The following RPS6KC1 variants were observed in gnomAD, a reference collection of about 807,000 sequenced individuals.
The protein encoded by RPS6KC1 is ribosomal protein S6 kinase C1.
A neutral mutation model predicts 103.8 loss-of-function variants in RPS6KC1; 54 were observed. The observed-to-expected ratio is 0.52, with a 90% CI of 0.42 to 0.65. RPS6KC1 has a LOEUF of 0.65. Among genes scored for constraint, RPS6KC1 ranks in the 30% least tolerant of loss-of-function variants. RPS6KC1 has a pLI of 0.00. For synonymous variants in RPS6KC1, 439 were observed against 438.7 expected, an observed-to-expected ratio of 1.00 and a Z score of -0.01; for missense variants, 1,151 against 1,253.8, an observed-to-expected ratio of 0.92 and a Z score of 1.24.
Position 213,240,688 on chromosome 1 carries a change from A to T in RPS6KC1, c.1226-14A>T, listed in dbSNP as rs2094330364. The T allele has an allele frequency of 6.3e-7, 1 of 1,583,968 alleles. No individual in the cohort carries two copies. Among genetic ancestry groups the T allele is most frequent in the South Asian group, 1.2e-5 (1 of 86,874 alleles). On this transcript the variant is annotated splice_polypyrimidine_tract_variant and intron_variant, in intron 10 of 14. Transcript: ENST00000366960. ...TCTTAATACTTTTGTTTGTTTTGTT[A>T]TACTTGTTCACAGGTGGCAAACTGT...
At chr1:213,700,917 G>A in the RPS6KC1 span, among the ~76,000 whole-genome samples, 27 of 152,024 alleles carry the variant, frequency 1.8e-4, no homozygotes, top group Admixed American at 7.9e-4. Flanking sequence ...ACACTTCAAT[G>A]TTAGTAAACT....
intron 6 of RPS6KC1, among the ~76,000 whole-genome samples, chr1:213,165,973 T>G (rs990707779): frequency 1.3e-5 from 2 of 152,246 alleles, no homozygotes. Context: ...GGCTTCTGGT[T>G]CTTGTTTCTG....
chr1:213,537,750 G>A, the RPS6KC1 span, among the ~76,000 whole-genome samples: 1 of 152,036 alleles, frequency 6.6e-6, no homozygotes, highest in Non-Finnish European at 1.5e-5. Context: ...TGTGTTTGGG[G>A]GCAATTAGAT....
chr1:213,375,236 CATACACACATAT>C, the RPS6KC1 span, among the ~76,000 whole-genome samples: 4 of 151,984 alleles, frequency 2.6e-5, no homozygotes, highest in African/African-American at 9.7e-5. Context: ...CATACATACA[CATACACACATAT>C]ATACACACAT....
At chr1:213,488,596 A>G in the RPS6KC1 span, among the ~76,000 whole-genome samples, 2 of 152,240 alleles carry the variant, frequency 1.3e-5, no homozygotes, top group Non-Finnish European at 2.9e-5. Flanking sequence ...TCTAGAGTAG[A>G]TTGACCCTAA....
chr1:213,535,858 T>A, the RPS6KC1 span, among the ~76,000 whole-genome samples: 1 of 152,082 alleles, frequency 6.6e-6, no homozygotes, highest in Admixed American at 6.5e-5. Context: ...ACATGCTCAT[T>A]CCTGAACCAA....
chr1:213,776,052 T>A, the RPS6KC1 span, among the ~76,000 whole-genome samples: 1 of 152,316 alleles, frequency 6.6e-6, no homozygotes, highest in East Asian at 1.9e-4. Flanking sequence ...CACTTCTAAT[T>A]GTATTTCTCT....
chr1:213,666,064 C>G, the RPS6KC1 span, among the ~76,000 whole-genome samples: 1 of 152,042 alleles, frequency 6.6e-6, no homozygotes, highest in Admixed American at 6.6e-5. Context: ...GCCATGACCC[C>G]CTCTCGGCAG....
At chr1:213,614,763 C>G in the RPS6KC1 span, among the ~76,000 whole-genome samples, 1 of 152,340 alleles carries the variant, frequency 6.6e-6, no homozygotes, top group East Asian at 1.9e-4. Flanking sequence ...CATGGCAGAA[C>G]CTGAGTCAGG....
the RPS6KC1 span, among the ~76,000 whole-genome samples, chr1:213,426,544 A>T: frequency 6.6e-6 from 1 of 152,190 alleles, no homozygotes; most frequent in Non-Finnish European, 1.5e-5. Context: ...TATGACTAAA[A>T]TTTTTGAGAC....
the RPS6KC1 span, among the ~76,000 whole-genome samples, chr1:213,301,814 CA>C: frequency 6.6e-6 from 1 of 152,020 alleles, no homozygotes; most frequent in African/African-American, 2.4e-5. Flanking sequence ...TGGCTTACTG[CA>C]ACCTCCACCT....
the RPS6KC1 span, among the ~76,000 whole-genome samples, chr1:213,712,773 C>G: frequency 6.6e-6 from 1 of 152,162 alleles, no homozygotes; most frequent in Non-Finnish European, 1.5e-5. Context: ...GAGGGAGTTC[C>G]CCGATCTCTT....
the RPS6KC1 span, among the ~76,000 whole-genome samples, chr1:213,809,585 C>G: frequency 6.6e-6 from 1 of 151,948 alleles, no homozygotes; most frequent in Non-Finnish European, 1.5e-5. Context: ...TCTAGTTGGC[C>G]AAAGTTTACT....
the RPS6KC1 span, among the ~76,000 whole-genome samples, chr1:213,635,575 A>G: frequency 6.6e-6 from 1 of 152,336 alleles, no homozygotes; most frequent in African/African-American, 2.4e-5. Context: ...ACAGCCCTTC[A>G]TGCTAAAAAC....
the RPS6KC1 span, among the ~76,000 whole-genome samples, chr1:213,714,499 C>A: frequency 1.3e-5 from 2 of 151,878 alleles, no homozygotes. Flanking sequence ...AAATAAATGG[C>A]TTTCGTCTGT....
At chr1:213,105,371 T>G (rs1401163376) in intron 4 of RPS6KC1, among the ~76,000 whole-genome samples, 1 of 152,124 alleles carries the variant, frequency 6.6e-6, no homozygotes, top group Non-Finnish European at 1.5e-5. Context: ...TCTAAGTGAT[T>G]GTGCTGTAAT....
At chr1:213,792,289 C>T in the RPS6KC1 span, among the ~76,000 whole-genome samples, 1 of 152,184 alleles carries the variant, frequency 6.6e-6, no homozygotes, top group Non-Finnish European at 1.5e-5. Flanking sequence ...TAGAAGCAAG[C>T]AAAGTCATGT....
intron 8 of RPS6KC1, among the ~76,000 whole-genome samples, chr1:213,207,004 G>A (rs11801762): frequency 2.0e-5 from 3 of 152,086 alleles, no homozygotes; most frequent in Admixed American, 6.5e-5. Flanking sequence ...CCAGCTACTC[G>A]GCAGGCTGAG....
the RPS6KC1 span, among the ~76,000 whole-genome samples, chr1:213,591,224 C>G: frequency 1.3e-5 from 2 of 152,226 alleles, no homozygotes; most frequent in African/African-American, 2.4e-5. Flanking sequence ...ATATTCTTCT[C>G]TGCCCCTACT....
Sources: gnomAD v4.1 joint callset for allele counts (sites outside exome capture counted in the v4.1 genomes callset) on GRCh38, gnomAD v4.1.1 for gene constraint, MANE v1.5 for transcripts, NCBI Gene and HGNC (gene_info 2026-07-23, HGNC 2026-07-21) for gene names.